The following CNTNAP2 variants were observed in gnomAD, a reference collection of about 807,000 sequenced individuals.
CNTNAP2 encodes contactin-associated protein-like 2.
CNTNAP2 carries 98 observed loss-of-function variants against 155.2 expected under a neutral mutation model. The ratio of observed to expected loss-of-function variants is 0.63; its 90% CI spans 0.54 to 0.75. The LOEUF is 0.75. Ranked by LOEUF, CNTNAP2 falls within the 30% of genes least tolerant of loss-of-function variation. CNTNAP2 has a pLI of 0.00. For missense variants in CNTNAP2, 1,727 were observed against 1,688.1 expected (o/e 1.02, Z -0.40); for synonymous variants, 651 against 631.2 (o/e 1.03, Z -0.47).
chr7:146,420,535 G>A (rs1355568817), intron 1 of CNTNAP2, among the ~76,000 whole-genome samples: 4 of 152,028 alleles, frequency 2.6e-5, no homozygotes, highest in African/African-American at 9.7e-5. Flanking sequence ...CAATATTAAT[G>A]TGTGGGCAAT....
chr7:147,904,327 T>C (rs928144631), intron 14 of CNTNAP2, among the ~76,000 whole-genome samples: 3 of 152,230 alleles, frequency 2.0e-5, no homozygotes, highest in African/African-American at 7.2e-5. Context: ...TGCTGGCTTT[T>C]GTTCTGCCCC....
chr7:146,905,566 A>G (rs28583144), intron 3 of CNTNAP2, among the ~76,000 whole-genome samples: 6,767 of 152,110 alleles, frequency 0.044, 171 homozygotes, highest in South Asian at 0.082. Context: ...AAATATTTTG[A>G]TCTTCCACAG....
intron 3 of CNTNAP2, among the ~76,000 whole-genome samples, chr7:146,895,553 A>G (rs1259381487): frequency 6.6e-6 from 1 of 152,104 alleles, no homozygotes; most frequent in Non-Finnish European, 1.5e-5. Context: ...CACCATATAA[A>G]TTAATTTAGA....
intron 12 of CNTNAP2, among the ~76,000 whole-genome samples, chr7:147,567,518 G>A (rs147211105): frequency 3.5e-4 from 53 of 152,270 alleles, no homozygotes; most frequent in Middle Eastern, 3.4e-3. Context: ...GTAATGCAGA[G>A]GTTGAAAATG....
At chr7:148,233,476 A>G (rs967288859) in intron 20 of CNTNAP2, among the ~76,000 whole-genome samples, 1 of 152,234 alleles carries the variant, frequency 6.6e-6, no homozygotes, top group African/African-American at 2.4e-5. Flanking sequence ...CTCGGCAGCC[A>G]GAAGTATGCA....
intron 15 of CNTNAP2, among the ~76,000 whole-genome samples, chr7:148,110,702 C>T (rs746769351): frequency 5.3e-5 from 8 of 152,110 alleles, no homozygotes; most frequent in Non-Finnish European, 1.0e-4. Flanking sequence ...GGCTCAGAGC[C>T]GGAGGAATGG....
At chr7:146,650,474 A>G (rs1046273561) in intron 1 of CNTNAP2, among the ~76,000 whole-genome samples, 6 of 152,040 alleles carry the variant, frequency 3.9e-5, no homozygotes, top group South Asian at 4.1e-4. Flanking sequence ...GTTCTCACTT[A>G]TAAGTGGGAG....
chr7:148,405,502 G>A (rs75784522), intron 22 of CNTNAP2, among the ~76,000 whole-genome samples: 40,516 of 136,326 alleles, frequency 0.3, 6,967 homozygotes, highest in African/African-American at 0.47. Flanking sequence ...ATCTCGGCTC[G>A]CTACAACCTC....
intron 3 of CNTNAP2, among the ~76,000 whole-genome samples, chr7:146,944,909 G>A (rs1797130944): frequency 6.6e-6 from 1 of 151,662 alleles, no homozygotes; most frequent in Non-Finnish European, 1.5e-5. Flanking sequence ...AAGAAAAATC[G>A]TAAGGCTATG....
intron 1 of CNTNAP2, among the ~76,000 whole-genome samples, chr7:146,699,474 G>A (rs1429735903): frequency 6.6e-6 from 1 of 152,142 alleles, no homozygotes; most frequent in Non-Finnish European, 1.5e-5. Context: ...TTAGGTCTCA[G>A]TGTTTTAGTG....
intron 1 of CNTNAP2, among the ~76,000 whole-genome samples, chr7:146,617,234 C>A (rs1189752229): frequency 1.3e-5 from 2 of 152,158 alleles, no homozygotes; most frequent in Non-Finnish European, 2.9e-5. Flanking sequence ...TCTGGAGGAC[C>A]AAAGTTTCTT....
At chr7:146,128,402 A>C (rs1293458475) in intron 1 of CNTNAP2, among the ~76,000 whole-genome samples, 1 of 152,178 alleles carries the variant, frequency 6.6e-6, no homozygotes, top group Non-Finnish European at 1.5e-5. Flanking sequence ...CCTTCCTTGC[A>C]TTGATACAGA....
chr7:147,108,466 A>G, intron 5 of CNTNAP2, 116 bp downstream of exon 5: 1 of 894,620 alleles, frequency 1.1e-6, no homozygotes, highest in South Asian at 1.8e-5. Flanking sequence ...GTTATATTTC[A>G]ATTCATACTT....
chr7:146,934,669 G>GA (rs903307326), intron 3 of CNTNAP2, among the ~76,000 whole-genome samples: 11 of 151,916 alleles, frequency 7.2e-5, no homozygotes, highest in African/African-American at 2.7e-4. Flanking sequence ...ATTTTGAAAA[G>GA]AAAAAAATGG....
At chr7:148,001,176 A>G (rs375799613) in intron 15 of CNTNAP2, among the ~76,000 whole-genome samples, 13 of 152,296 alleles carry the variant, frequency 8.5e-5, no homozygotes, top group East Asian at 1.9e-4. Flanking sequence ...TGAATTTGGG[A>G]ATGGGGAATG....
intron 1 of CNTNAP2, among the ~76,000 whole-genome samples, chr7:146,366,570 G>A (rs956368550): frequency 6.6e-6 from 1 of 152,034 alleles, no homozygotes; most frequent in African/African-American, 2.4e-5. Flanking sequence ...CAGATGATGG[G>A]CCCAAGAAGA....
chr7:146,136,353 A>G (rs1584766760), intron 1 of CNTNAP2, among the ~76,000 whole-genome samples: 2 of 152,166 alleles, frequency 1.3e-5, no homozygotes, highest in African/African-American at 4.8e-5. Context: ...AAAGACAACT[A>G]AGGGTCAGTC....
intron 2 of CNTNAP2, among the ~76,000 whole-genome samples, chr7:146,825,542 A>G (rs1055004620): frequency 1.3e-5 from 2 of 152,156 alleles, no homozygotes; most frequent in South Asian, 2.1e-4. Flanking sequence ...CTTGAGAACA[A>G]TTCCTTTGTA....
intron 1 of CNTNAP2, among the ~76,000 whole-genome samples, chr7:146,520,858 A>G (rs1012603095): frequency 6.6e-6 from 1 of 151,944 alleles, no homozygotes; most frequent in Non-Finnish European, 1.5e-5. Context: ...ACATTAATGT[A>G]AAAAGTAGAC....
Sources: allele counts gnomAD v4.1 joint callset (sites outside exome capture counted in the v4.1 genomes callset), GRCh38; gene constraint gnomAD v4.1.1; transcripts MANE v1.5; gene names NCBI Gene and HGNC (gene_info 2026-07-23, HGNC 2026-07-21).